KCTD16: variants seen among roughly 807,000 people sequenced by gnomAD.
KCTD16 encodes potassium channel tetramerization domain containing 16.
A neutral mutation model predicts 33.2 loss-of-function variants in KCTD16; 13 were observed. The observed-to-expected ratio is 0.39, with a 90% confidence interval of 0.25 to 0.62. The LOEUF (loss-of-function observed/expected upper bound fraction) is 0.62. Ranked by LOEUF, KCTD16 falls within the 20% of genes least tolerant of loss-of-function variation. The pLI is 0.50. For synonymous variants in KCTD16, 197 were observed against 195.3 expected, an observed-to-expected ratio of 1.01 and a Z score of -0.07; for missense variants, 441 against 525.1, an observed-to-expected ratio of 0.84 and a Z score of 1.57.
chr5:144,381,097 C>T (rs1458754780), intron 3 of KCTD16, among the ~76,000 whole-genome samples: 1 of 151,844 alleles, frequency 6.6e-6, no homozygotes, highest in African/African-American at 2.4e-5. Context: ...GAAACTTAAA[C>T]AAATTAACAA....
chr5:144,190,436 T>G (rs1390104342), intron 2 of KCTD16, among the ~76,000 whole-genome samples: 1 of 152,212 alleles, frequency 6.6e-6, no homozygotes, highest in Non-Finnish European at 1.5e-5. Flanking sequence ...TTTGTGCCTA[T>G]AAGTGTCACA....
intron 3 of KCTD16, among the ~76,000 whole-genome samples, chr5:144,304,114 G>T (rs975605910): frequency 3.9e-5 from 6 of 152,120 alleles, no homozygotes; most frequent in Non-Finnish European, 5.9e-5. Context: ...AGACCTAAAA[G>T]AAATGTCTTA....
intron 3 of KCTD16, among the ~76,000 whole-genome samples, chr5:144,299,142 ATATATATTTTTT>A (rs1216926476): frequency 7.1e-4 from 16 of 22,388 alleles, no homozygotes; most frequent in Admixed American, 1.0e-3. Flanking sequence ...ATATATATAT[ATATATATTTTTT>A]TTTTTTTTTT....
At chr5:144,253,455 A>G (rs1219563832) in intron 3 of KCTD16, among the ~76,000 whole-genome samples, 1 of 152,212 alleles carries the variant, frequency 6.6e-6, no homozygotes, top group Non-Finnish European at 1.5e-5. Flanking sequence ...TGTTACTAGC[A>G]CAGAGCAGAT....
chr5:144,188,760 A>G (rs1752780822), intron 2 of KCTD16, among the ~76,000 whole-genome samples: 1 of 152,224 alleles, frequency 6.6e-6, no homozygotes, highest in South Asian at 2.1e-4. Context: ...GAGTCAGGTG[A>G]GAGGTCAGCT....
chr5:144,180,273 T>TAG (rs1216626807), intron 2 of KCTD16, among the ~76,000 whole-genome samples: 3 of 152,164 alleles, frequency 2.0e-5, no homozygotes, highest in Non-Finnish European at 4.4e-5. Flanking sequence ...CACTGAGGGA[T>TAG]AGCATACTTT....
chr5:144,421,789 A>G (rs951615497), intron 3 of KCTD16, among the ~76,000 whole-genome samples: 2 of 152,120 alleles, frequency 1.3e-5, no homozygotes, highest in African/African-American at 4.8e-5. Flanking sequence ...CTTGTTCTGG[A>G]AAACACCAAA....
intron 3 of KCTD16, among the ~76,000 whole-genome samples, chr5:144,368,184 C>T (rs1201371941): frequency 2.6e-5 from 4 of 151,974 alleles, no homozygotes; most frequent in Non-Finnish European, 5.9e-5. Context: ...ACCTTTGTAC[C>T]TGGTGTTACA....
At chr5:144,418,918 A>G (rs778114046) in intron 3 of KCTD16, among the ~76,000 whole-genome samples, 1 of 152,132 alleles carries the variant, frequency 6.6e-6, no homozygotes, top group African/African-American at 2.4e-5. Context: ...ACCCATTAAC[A>G]TCATGGTTAT....
chr5:144,360,081 C>T (rs1314930776), intron 3 of KCTD16, among the ~76,000 whole-genome samples: 4 of 152,042 alleles, frequency 2.6e-5, no homozygotes, highest in Non-Finnish European at 2.9e-5. Flanking sequence ...AGATAAAAAG[C>T]GTGACCATCA....
At chr5:144,418,036 T>G (rs1171666964) in intron 3 of KCTD16, among the ~76,000 whole-genome samples, 1 of 152,264 alleles carries the variant, frequency 6.6e-6, no homozygotes, top group East Asian at 1.9e-4. Context: ...ACTTCAGGTG[T>G]GAAGCCACAG....
intron 3 of KCTD16, among the ~76,000 whole-genome samples, chr5:144,340,141 G>T (rs1287695472): frequency 6.6e-6 from 1 of 152,074 alleles, no homozygotes; most frequent in Non-Finnish European, 1.5e-5. Flanking sequence ...GAGGCCAGGC[G>T]TGGTGGCTCA....
At chr5:144,197,179 C>G (rs894768748) in intron 2 of KCTD16, among the ~76,000 whole-genome samples, 8 of 152,114 alleles carry the variant, frequency 5.3e-5, no homozygotes, top group Non-Finnish European at 1.2e-4. Context: ...TCATATTTTT[C>G]AAGCATATAA....
intron 3 of KCTD16, among the ~76,000 whole-genome samples, chr5:144,362,606 A>G (rs1374961391): frequency 6.6e-6 from 1 of 152,194 alleles, no homozygotes; most frequent in African/African-American, 2.4e-5. Context: ...ATAGTAATAT[A>G]ATTATTGGTA....
chr5:144,397,258 C>A (rs1294224121), intron 3 of KCTD16, among the ~76,000 whole-genome samples: 5 of 151,746 alleles, frequency 3.3e-5, no homozygotes, highest in African/African-American at 7.3e-5. Flanking sequence ...TGAACTCATC[C>A]TTTTTTATGG....
intron 3 of KCTD16, among the ~76,000 whole-genome samples, chr5:144,299,112 A>ATATG (rs1756150188): frequency 2.1e-4 from 3 of 14,014 alleles, no homozygotes; most frequent in African/African-American, 1.2e-3. Flanking sequence ...ATATATATAT[A>ATATG]TATATATATA....
rs1754785789 is a variant in KCTD16, at chr5:144,485,428, T to A, written c.*11314T>A. ...ATGGATATAAAAAATTAATTTGCTA[T>A]TAACTGCTTTCATATTCTGTTTAGT... On this transcript the variant is annotated 3_prime_UTR_variant, in exon 4 of 4. Coordinates refer to ENST00000512467, the MANE Select transcript of KCTD16 (RefSeq NM_020768.4). The A allele has an allele frequency of 6.6e-6, 1 of 151,934 alleles. No homozygotes were observed. Among genetic ancestry groups the A allele is most frequent in the East Asian group, 1.9e-4 (1 of 5,162 alleles). The allele number at this position is 151,934 out of a possible 1,614,324, so 9.4% of individuals were successfully genotyped here. A position where few individuals can be genotyped will look rare whatever the true frequency, so the allele number is the denominator to read the frequency against.
chr5:144,330,216 C>A (rs1010386743), intron 3 of KCTD16, among the ~76,000 whole-genome samples: 13 of 151,812 alleles, frequency 8.6e-5, no homozygotes, highest in Non-Finnish European at 1.9e-4. Flanking sequence ...AGTTTGAGAC[C>A]AGCCCGACCA....
intron 3 of KCTD16, among the ~76,000 whole-genome samples, chr5:144,378,278 T>G (rs184184460): frequency 6.6e-6 from 1 of 152,278 alleles, no homozygotes. Context: ...GCTATGAAAT[T>G]CCAGACACAG....
Sources: allele counts gnomAD v4.1 joint callset (sites outside exome capture counted in the v4.1 genomes callset), GRCh38; gene constraint gnomAD v4.1.1; transcripts MANE v1.5; gene names NCBI Gene and HGNC (gene_info 2026-07-23, HGNC 2026-07-21).